Variants in MSI2 observed in about 807,000 individuals in gnomAD.
The protein encoded by MSI2 is musashi RNA binding protein 2, also known as RNA-binding protein Musashi homolog 2.
In MSI2, 17 loss-of-function variants were observed where a neutral mutation model predicts 45.6. That is an observed-to-expected ratio of 0.37 (90% CI 0.26 to 0.56). The LOEUF (loss-of-function observed/expected upper bound fraction) is 0.56. Among genes scored for constraint, MSI2 ranks in the 20% least tolerant of loss-of-function variants. MSI2 has a pLI of 0.77. For missense variants in MSI2, 293 were observed against 444.2 expected (o/e 0.66, Z 3.06); for synonymous variants, 156 against 158.2 (o/e 0.99, Z 0.11).
At position 57,667,336 on chromosome 17, in the gene MSI2, G is replaced by A. The variant is rs568812806; in HGVS notation, c.791-7636G>A. ...GCCAAACCATAAACATTTGTCTCCC[G>A]GGTTGGTTTTCCCTCCTCTTCTGAA... is the stretch of plus-strand genomic sequence containing the variant. On this transcript the variant is annotated intron_variant, in intron 11 of 13. Transcript: ENST00000284073. Among the ~76,000 whole-genome samples the A allele has an allele frequency of 6.6e-5, 10 of 152,268 alleles. No individual in the cohort carries two copies. The East Asian group carries it at 1.2e-3, about 18-fold the overall frequency.
At chr17:57,643,546 G>A (rs981709758) in intron 10 of MSI2, among the ~76,000 whole-genome samples, 3 of 152,178 alleles carry the variant, frequency 2.0e-5, no homozygotes, top group Admixed American at 1.3e-4. Context: ...CACACCTTCC[G>A]CTCCTGGCTG....
chr17:57,581,116 G>A (rs1156230372), intron 7 of MSI2, among the ~76,000 whole-genome samples: 1 of 144,270 alleles, frequency 6.9e-6, no homozygotes, highest in Non-Finnish European at 1.5e-5. Context: ...AGGTTCAAGC[G>A]ATTCTCCTGC....
At chr17:57,462,613 A>G (rs1349846164) in intron 6 of MSI2, among the ~76,000 whole-genome samples, 1 of 152,242 alleles carries the variant, frequency 6.6e-6, no homozygotes, top group African/African-American at 2.4e-5. Context: ...ATTTCCTTCT[A>G]TCGATCAAAA....
intron 6 of MSI2, among the ~76,000 whole-genome samples, chr17:57,511,038 G>A (rs929706953): frequency 6.8e-6 from 1 of 147,268 alleles, no homozygotes; most frequent in African/African-American, 2.7e-5. Context: ...GAAACTCCAG[G>A]GGTATCAGTC....
At chr17:57,436,988 T>C (rs1018768343) in intron 6 of MSI2, among the ~76,000 whole-genome samples, 2 of 152,168 alleles carry the variant, frequency 1.3e-5, no homozygotes, top group Non-Finnish European at 2.9e-5. Flanking sequence ...ACTTACAGCC[T>C]GGAGCCTGGT....
At chr17:57,465,972 C>T (rs946316822) in intron 6 of MSI2, among the ~76,000 whole-genome samples, 6 of 152,122 alleles carry the variant, frequency 3.9e-5, no homozygotes, top group African/African-American at 1.4e-4. Flanking sequence ...AAAATTGGCA[C>T]CTAATGGCTT....
chr17:57,284,878 C>A (rs1909733409), intron 5 of MSI2, among the ~76,000 whole-genome samples: 1 of 151,858 alleles, frequency 6.6e-6, no homozygotes, highest in South Asian at 2.1e-4. Context: ...CCTATGCCCT[C>A]CTCAACCAGA....
chr17:57,629,774 G>A (rs1460394393), intron 10 of MSI2: 2 of 152,724 alleles, frequency 1.3e-5, no homozygotes, highest in Non-Finnish European at 2.9e-5. Context: ...TTCCCCTCCA[G>A]GGGATGACAG....
intron 6 of MSI2, among the ~76,000 whole-genome samples, chr17:57,484,842 C>G (rs2085719855): frequency 6.6e-6 from 1 of 152,150 alleles, no homozygotes; most frequent in Non-Finnish European, 1.5e-5. Context: ...CATCAGAACT[C>G]TTACCTGTGC....
Position 57,468,668 on chromosome 17 carries a change from C to T in MSI2, c.406-61008C>T, listed in dbSNP as rs182111759. Among the ~76,000 whole-genome samples the T allele has an allele frequency of 5.3e-5, 8 of 152,232 alleles. No individual in the cohort carries two copies. In the East Asian group the frequency reaches 1.5e-3, roughly 29 times the overall value. ...GAATCCTGGCTTCTGAGAGGATCCT[C>T]AGGCACACAGCACACTGCTTGCTGA... On this transcript the variant is annotated intron_variant, in intron 6 of 13. Transcript: ENST00000284073.
chr17:57,605,522 C>T (rs1441107946), intron 8 of MSI2, among the ~76,000 whole-genome samples: 2 of 152,140 alleles, frequency 1.3e-5, no homozygotes, highest in Non-Finnish European at 2.9e-5. Flanking sequence ...TACTCCACCC[C>T]CAGGGCGCAG....
At chr17:57,360,061 G>A (rs75945985) in intron 5 of MSI2, among the ~76,000 whole-genome samples, 106 of 152,336 alleles carry the variant, frequency 7.0e-4, no homozygotes, top group African/African-American at 2.4e-3. Context: ...GTGCCTTCAC[G>A]TGTGGTGAGG....
intron 6 of MSI2, among the ~76,000 whole-genome samples, chr17:57,461,696 G>A (rs191029860): frequency 2.6e-5 from 4 of 152,040 alleles, no homozygotes; most frequent in East Asian, 1.9e-4. Context: ...CCACCACACC[G>A]GCTAATTTTT....
intron 5 of MSI2, among the ~76,000 whole-genome samples, chr17:57,384,180 C>G (rs372876384): frequency 2.0e-5 from 3 of 152,308 alleles, no homozygotes; most frequent in East Asian, 3.9e-4. Context: ...TTTTATTATG[C>G]TCATGGAGTC....
rs577769794 is a variant in MSI2, at chr17:57,598,176, G to C, written c.537+1226G>C. Among the ~76,000 whole-genome samples the C allele has an allele frequency of 8.2e-4, 125 of 152,352 alleles. 5 individuals carry two copies. The South Asian group carries it at 0.024, about 29-fold the overall frequency. On this transcript the variant is annotated intron_variant, in intron 8 of 13. Coordinates refer to ENST00000284073, the MANE Select transcript of MSI2 (RefSeq NM_138962.4). ...AAAAACATTTTGGTTGGCCACGAGAGCCTCCAGCCTCAAGAGAAGAGGGAG... is the reference window on the plus strand; with the variant it reads ...AAAAACATTTTGGTTGGCCACGAGACCCTCCAGCCTCAAGAGAAGAGGGAG...
chr17:57,289,626 TA>T (rs1337674623), intron 5 of MSI2, among the ~76,000 whole-genome samples: 2 of 152,150 alleles, frequency 1.3e-5, no homozygotes, highest in Non-Finnish European at 2.9e-5. Context: ...TGATTAAAGG[TA>T]AATTATCAGA....
chr17:57,576,196 A>G (rs2088042712), intron 7 of MSI2, among the ~76,000 whole-genome samples: 1 of 152,192 alleles, frequency 6.6e-6, no homozygotes, highest in Non-Finnish European at 1.5e-5. Flanking sequence ...GGCTGAGGAT[A>G]TGGTGGTGAA....
At chr17:57,661,247 G>T (rs1158757420) in intron 11 of MSI2, among the ~76,000 whole-genome samples, 4 of 152,110 alleles carry the variant, frequency 2.6e-5, no homozygotes, top group Admixed American at 6.5e-5. Context: ...GTACACAACC[G>T]ATGTGAGAGC....
chr17:57,463,572 A>G (rs1363718679), intron 6 of MSI2, among the ~76,000 whole-genome samples: 1 of 151,784 alleles, frequency 6.6e-6, no homozygotes, highest in African/African-American at 2.4e-5. Context: ...CTGCCTCCCC[A>G]TGAGCACTGC....
Sources: allele counts gnomAD v4.1 joint callset (sites outside exome capture counted in the v4.1 genomes callset), GRCh38; gene constraint gnomAD v4.1.1; transcripts MANE v1.5; gene names NCBI Gene and HGNC (gene_info 2026-07-23, HGNC 2026-07-21).